GAS6: variants seen among roughly 807,000 people sequenced by gnomAD.
The protein encoded by GAS6 is growth arrest specific 6.
A neutral mutation model predicts 75.8 loss-of-function variants in GAS6; 41 were observed. That is an observed-to-expected ratio of 0.54 (90% confidence interval 0.42 to 0.70). The LOEUF (loss-of-function observed/expected upper bound fraction) is 0.70, where lower values mean the gene tolerates loss of function less well. Ranked by LOEUF, GAS6 falls within the 30% of genes least tolerant of loss-of-function variation. The probability of loss-of-function intolerance (pLI) is 0.00; values close to 1 mark genes in which losing one functional copy is unlikely to be tolerated. For missense variants in GAS6, 854 were observed against 940.2 expected (o/e 0.91, Z 1.20); for synonymous variants, 432 against 412.6 (o/e 1.05, Z -0.57).
intron 3 of GAS6, chr13:113,846,851 G>A (rs947959349): frequency 9.5e-5 from 50 of 526,734 alleles, no homozygotes; most frequent in Non-Finnish European, 1.5e-4. Flanking sequence ...GTTTCGAGGG[G>A]GCTCCTCCTG....
intron 5 of GAS6, 53 bp downstream of exon 5, chr13:113,839,675 G>C (rs2051754877): frequency 1.2e-6 from 2 of 1,602,134 alleles, no homozygotes; most frequent in Non-Finnish European, 1.7e-6. Context: ...GCGGGGATCA[G>C]GGCAGGGTCG....
Position 113,822,175 on chromosome 13 carries a change from C to T in GAS6, c.1665G>A (p.Leu555=). The change falls in exon 14 of 15, where the codon CTG becomes CTA. Residue 555 remains leucine (L), a synonymous_variant. Coordinates refer to ENST00000327773, the MANE Select transcript of GAS6 (RefSeq NM_000820.4). ...GGGCCAAGGCCGTATGCTCCACGGC[C>T]AGGACCACCAGCTGCAGGAGACCGA... The part of the protein sequence containing the change: ...TKKLKKQLVV[L]AVEHTALALM... 6.4e-7 allele frequency: 1 copy of T among 1,552,154 alleles called. No homozygotes were observed. The highest frequency in any genetic ancestry group is 8.7e-7 in the Non-Finnish European group (1 of 1,143,508).
intron 8 of GAS6, 33 bp downstream of exon 8, chr13:113,834,518 C>A: frequency 6.7e-7 from 1 of 1,494,542 alleles, no homozygotes; most frequent in Non-Finnish European, 8.9e-7. Context: ...CCGGAACCAC[C>A]GTGAAGGGCC....
At chr13:113,860,376 G>A (rs906978001) in intron 2 of GAS6, among the ~76,000 whole-genome samples, 5 of 152,208 alleles carry the variant, frequency 3.3e-5, no homozygotes, top group Admixed American at 2.6e-4. Context: ...GCAGGCCGGG[G>A]ATCAAAGTGC....
At chr13:113,834,210 G>C (rs1360951917) in intron 8 of GAS6, among the ~76,000 whole-genome samples, 1 of 149,832 alleles carries the variant, frequency 6.7e-6, no homozygotes, top group South Asian at 2.1e-4. Context: ...GACAGGCCCC[G>C]GTGTGACAGG....
chr13:113,833,608 A>AGGCC, intron 8 of GAS6: 1 of 902,720 alleles, frequency 1.1e-6, no homozygotes, highest in South Asian at 5.2e-5. Context: ...TGTGACAGGC[A>AGGCC]CCGGTGTGAC....
chr13:113,851,438 GATGA>G (rs951254115), intron 2 of GAS6, among the ~76,000 whole-genome samples: 2 of 151,558 alleles, frequency 1.3e-5, no homozygotes, highest in African/African-American at 2.4e-5. Context: ...TGGATGGACA[GATGA>G]ATGAATGAAT....
chr13:113,828,799 G>A, intron 10 of GAS6, 88 bp from the exon 11 acceptor site: 1 of 1,462,318 alleles, frequency 6.8e-7, no homozygotes, highest in Non-Finnish European at 9.3e-7. Flanking sequence ...ATCCTCTCCT[G>A]AGCCAAGAGG....
chr13:113,860,047 G>C (rs573931113), intron 2 of GAS6, among the ~76,000 whole-genome samples: 1 of 152,354 alleles, frequency 6.6e-6, no homozygotes, highest in South Asian at 2.1e-4. Context: ...ATGCAGTTCA[G>C]GATGAGCCAG....
At chr13:113,838,628 G>A (rs12872703) in intron 5 of GAS6, among the ~76,000 whole-genome samples, 2,714 of 68,902 alleles carry the variant, frequency 0.039, 167 homozygotes, top group Admixed American at 0.054. Flanking sequence ...GCCCGGGGGT[G>A]CACAGCCCAG....
chr13:113,829,316 G>A (rs1316099733), intron 10 of GAS6, among the ~76,000 whole-genome samples: 2 of 149,342 alleles, frequency 1.3e-5, no homozygotes, highest in African/African-American at 2.5e-5. Context: ...GGCGAAGAGG[G>A]TCCCAATCTC....
chr13:113,821,435 A>G (rs1180054385), intron 14 of GAS6: 3 of 235,850 alleles, frequency 1.3e-5, no homozygotes. Flanking sequence ...ACCTGCGGGC[A>G]GCCGAGGACT....
rs1195232822 is a variant in GAS6 at position 113,845,140 on chromosome 13, G to C, written c.343+1387C>G. 1 of 150,786 alleles carries C rather than the reference G, an allele frequency of 6.6e-6. No homozygotes were observed. 9.3% of individuals were successfully genotyped at this position (150,786 alleles called of 1,614,324 possible). On this transcript the variant is annotated intron_variant, in intron 4 of 14. Transcript: ENST00000327773. This position sits in a 1 kb window ranked among gnomAD's most constrained non-coding sequence, Gnocchi z 4.3. ...GGCTACTGTGCATGGTTGCAGGTCA[G>C]GGCAGGCCGGGCCACAGGGCAGGGC...
intron 10 of GAS6, among the ~76,000 whole-genome samples, chr13:113,829,847 C>A (rs370447663): frequency 6.6e-6 from 1 of 151,856 alleles, no homozygotes; most frequent in Non-Finnish European, 1.5e-5. Context: ...ACCACCTGAT[C>A]CTCACCTGAG....
In GAS6 at chr13:113,835,488, G is replaced by A. The variant is rs184486199; in HGVS notation, c.712+25C>T. 7.8e-5 allele frequency: 125 copies of A among 1,610,406 alleles called. No individual in the cohort carries two copies. The East Asian group carries it at 1.5e-3, about 19-fold the overall frequency. On this transcript the variant is annotated intron_variant, in intron 7 of 14. Transcript: ENST00000327773. ...TCTAGACTTGGGCGTCAGAGAAAGC[G>A]AGGGTGACCGCGTGGCGTGGGTACC...
chr13:113,863,745 C>A lies in GAS6; in HGVS notation c.89-4G>T, dbSNP rs200826379. ...TCGCGCGCCGGCAACAGCGCGGCTG[C>A]CCGGAGGGAGAGAGGGGGACGCGTC... On this transcript the variant is annotated splice_polypyrimidine_tract_variant and splice_region_variant and intron_variant, in intron 1 of 14. Coordinates refer to ENST00000327773, the MANE Select transcript of GAS6 (RefSeq NM_000820.4). The surrounding 1 kb of genome is among the most constrained non-coding windows in gnomAD (Gnocchi z 9.4). 5.8e-5 allele frequency: 87 copies of A among 1,488,754 alleles called. No homozygotes were observed. The highest frequency in any genetic ancestry group is 7.4e-5 in the Non-Finnish European group (83 of 1,125,220). The allele number at this position is 1,488,754 out of a possible 1,614,324, so 92.2% of individuals were successfully genotyped here.
chr13:113,833,504 G>A, intron 8 of GAS6: 11 of 993,808 alleles, frequency 1.1e-5, no homozygotes, highest in Non-Finnish European at 1.3e-5. Flanking sequence ...ACAGGCCCAG[G>A]CTGAAGAGGA....
Position 113,864,009 on chromosome 13 carries a change from G to A in GAS6, c.-89C>T. 2.0e-6 allele frequency: 2 copies of A among 1,019,162 alleles called. No homozygotes were observed. Among genetic ancestry groups the A allele is most frequent in the East Asian group, 9.9e-5 (1 of 10,100 alleles). 63.1% of individuals were successfully genotyped at this position (1,019,162 alleles called of 1,614,324 possible). ...GCGGAGGCTCCGGTCATCCCGTCCT[G>A]GCGGCCCTGAAGGTCACATCGCGGC... is the stretch of plus-strand genomic sequence containing the variant. On this transcript the variant is annotated 5_prime_UTR_variant, in exon 1 of 15. Coordinates refer to ENST00000327773, the MANE Select transcript of GAS6 (RefSeq NM_000820.4).
At position 113,827,174 on chromosome 13, in the gene GAS6, C is replaced by CA; in HGVS notation, c.1309-11dup. On this transcript the variant is annotated splice_polypyrimidine_tract_variant and intron_variant, in intron 11 of 14. Coordinates refer to ENST00000327773, the MANE Select transcript of GAS6 (RefSeq NM_000820.4). The stretch of plus-strand genomic sequence containing the variant: ...CCAGACGAGGGTTTATCTGGAAAGG[C>CA]AGAGAAATCTCCGTGGCTTCCTGGG... 6.2e-7 allele frequency: 1 copy of CA among 1,608,216 alleles called. No individual in the cohort carries two copies. The highest frequency in any genetic ancestry group is 8.5e-7 in the Non-Finnish European group (1 of 1,176,484).
Sources: gnomAD v4.1 joint callset for allele counts (sites outside exome capture counted in the v4.1 genomes callset) on GRCh38, gnomAD v4.1.1 for gene constraint, Gnocchi (gnomAD v3.1) non-coding constraint, MANE v1.5 for transcripts, NCBI Gene and HGNC (gene_info 2026-07-23, HGNC 2026-07-21) for gene names.